The following DENND2C variants were observed in gnomAD, a reference collection of about 807,000 sequenced individuals.
The protein encoded by DENND2C is DENN domain containing 2C, also known as DENN domain-containing protein 2C.
Under a neutral mutation model 112.4 loss-of-function variants are expected in DENND2C, and 72 were observed. The observed-to-expected ratio is 0.64, with a 90% CI of 0.53 to 0.78. The LOEUF (loss-of-function observed/expected upper bound fraction) is 0.78, where lower values mean the gene tolerates loss of function less well. Ranked by LOEUF, DENND2C falls within the 30% of genes least tolerant of loss-of-function variation. DENND2C has a pLI of 0.00. For missense variants in DENND2C, 992 were observed against 1,113.8 expected (o/e 0.89, Z 1.56); for synonymous variants, 329 against 381.6 (o/e 0.86, Z 1.61).
chr1:114,624,303 T>C (rs1022018664), intron 4 of DENND2C, among the ~76,000 whole-genome samples: 11 of 152,130 alleles, frequency 7.2e-5, no homozygotes, highest in Non-Finnish European at 2.9e-5. Flanking sequence ...ATTTAATTTT[T>C]ATTTTATGTT....
chr1:114,614,938 C>A (rs891347903), intron 8 of DENND2C, among the ~76,000 whole-genome samples: 1 of 151,680 alleles, frequency 6.6e-6, no homozygotes, highest in Non-Finnish European at 1.5e-5. Context: ...TGCTTAAACC[C>A]AGGAAGCAGA....
At chr1:114,658,374 T>C (rs1383702112) in intron 1 of DENND2C, among the ~76,000 whole-genome samples, 1 of 152,020 alleles carries the variant, frequency 6.6e-6, no homozygotes, top group East Asian at 1.9e-4. Flanking sequence ...GAAAAAATTC[T>C]AAAAAGAAAA....
intron 8 of DENND2C, 68 bp from the exon 9 acceptor site, chr1:114,611,185 T>C: frequency 1.3e-6 from 2 of 1,574,696 alleles, no homozygotes; most frequent in South Asian, 1.1e-5. Flanking sequence ...ATGAGAACAA[T>C]GTAAACCCAC....
At chr1:114,635,020 T>G (rs1362337447) in intron 3 of DENND2C, among the ~76,000 whole-genome samples, 1 of 119,004 alleles carries the variant, frequency 8.4e-6, no homozygotes, top group Non-Finnish European at 1.7e-5. Flanking sequence ...AGAGTGAGAC[T>G]CCGTCTAAAA....
intron 1 of DENND2C, among the ~76,000 whole-genome samples, chr1:114,665,826 T>G (rs1457851369): frequency 6.6e-6 from 1 of 152,176 alleles, no homozygotes; most frequent in African/African-American, 2.4e-5. Context: ...CATTTATTCT[T>G]GGCCCTCTTC....
chr1:114,621,771 C>T (rs1356713589), intron 7 of DENND2C, 124 bp downstream of exon 7: 1 of 1,276,364 alleles, frequency 7.8e-7, no homozygotes, highest in African/African-American at 1.5e-5. Flanking sequence ...ACGCTGCCTT[C>T]TAAGTCTTCT....
At chr1:114,623,244 A>C (rs1656215909) in intron 5 of DENND2C, 145 bp from the exon 6 acceptor site, 2 of 752,096 alleles carry the variant, frequency 2.7e-6, no homozygotes, top group Admixed American at 6.2e-5. Flanking sequence ...GATCAACAGC[A>C]ATTTAAGCTT....
intron 20 of DENND2C, 110 bp from the exon 21 acceptor site, chr1:114,585,741 C>A: frequency 9.0e-7 from 1 of 1,108,530 alleles, no homozygotes; most frequent in Non-Finnish European, 1.3e-6. Flanking sequence ...AAGAGTTAAG[C>A]TGACATCTCA....
intron 1 of DENND2C, among the ~76,000 whole-genome samples, chr1:114,669,428 C>T (rs1283357962): frequency 6.6e-6 from 1 of 152,160 alleles, no homozygotes; most frequent in Non-Finnish European, 1.5e-5. Flanking sequence ...CTATACAGCT[C>T]TAGTTACTCA....
chr1:114,644,021 A>C lies in DENND2C; in HGVS notation c.-205+1427T>G, dbSNP rs563864834. Among the ~76,000 whole-genome samples the C allele has an allele frequency of 6.6e-5, 10 of 152,236 alleles. No homozygotes were observed. In the East Asian group the frequency reaches 1.7e-3, roughly 26 times the overall value. ...TGTAACGGGTACTACTGGAGGGTTT[A>C]TTTGCCACAGCTACATGACCCTAGG... On this transcript the variant is annotated intron_variant, in intron 3 of 20. Transcript: ENST00000393274.
intron 16 of DENND2C, among the ~76,000 whole-genome samples, chr1:114,598,512 C>T (rs61811018): frequency 1.3e-5 from 2 of 151,516 alleles, no homozygotes; most frequent in Non-Finnish European, 2.9e-5. Flanking sequence ...ATAATGAGTA[C>T]CTTTGGTGGG....
Position 114,623,054 on chromosome 1 carries a change from A to G in DENND2C, c.989T>C (p.Leu330Ser). 6.2e-7 allele frequency: 1 copy of G among 1,612,878 alleles called. No individual in the cohort carries two copies. The highest frequency in any genetic ancestry group is 8.5e-7 in the Non-Finnish European group (1 of 1,179,370). Residue 330 changes from leucine (L) to serine (S), a missense_variant, in exon 6 of 21, where the codon TTA (leucine) becomes TCA (serine). Transcript: ENST00000393274. ...NPYEDIPVQP[L>S]PMWRSPSAWK... ...TGCTGAAGGGGATCTCCACATAGGT[A>G]AAGGCTGCACTGGAATATCTTCATA...
At position 114,602,145 on chromosome 1, in the gene DENND2C, C is replaced by T. The variant is rs1655529679; in HGVS notation, c.1717G>A (p.Gly573Ser). The T allele has an allele frequency of 1.2e-6, 2 of 1,613,850 alleles. No individual in the cohort carries two copies. The highest frequency in any genetic ancestry group is 2.7e-5 in the African/African-American group (2 of 75,028). ...LTGEDGSRWF[G>S]YCKKLLPVGK... is the part of the protein sequence containing the mutation. The stretch of plus-strand genomic sequence containing the variant: ...CTTACCAAGAGCTTCTTACAGTAAC[C>T]AAACCACCGGCTTCCATCTTCACCA... Residue 573 changes from glycine to serine, a missense_variant, in exon 12 of 21, where the codon GGT becomes AGT. By Grantham distance (56) the Gly-to-Ser change is moderately conservative. Transcript: ENST00000393274.
chr1:114,619,495 C>G (rs933740759), intron 7 of DENND2C, among the ~76,000 whole-genome samples: 2 of 152,090 alleles, frequency 1.3e-5, no homozygotes, highest in African/African-American at 4.8e-5. Flanking sequence ...ATGAATCAGT[C>G]CAGTGCAAAC....
intron 8 of DENND2C, among the ~76,000 whole-genome samples, chr1:114,613,851 T>G (rs985605400): frequency 6.6e-6 from 1 of 152,208 alleles, no homozygotes; most frequent in African/African-American, 2.4e-5. Context: ...TGTCCTCTTT[T>G]AATATGAGAC....
chr1:114,657,030 C>A (rs544701153), intron 1 of DENND2C, among the ~76,000 whole-genome samples: 2 of 147,980 alleles, frequency 1.4e-5, no homozygotes, highest in African/African-American at 4.9e-5. Context: ...GGATTACAGG[C>A]CTGAGCCACC....
intron 16 of DENND2C, 25 bp from the exon 17 acceptor site, chr1:114,595,898 G>GT: frequency 6.2e-7 from 1 of 1,611,656 alleles, no homozygotes; most frequent in Non-Finnish European, 8.5e-7. Context: ...AGCCAGGCAA[G>GT]TTCAACCAGA....
At position 114,600,265 on chromosome 1, in the gene DENND2C, T is replaced by C. The variant is rs771930638; in HGVS notation, c.2044A>G (p.Ile682Val). 1.7e-5 allele frequency: 28 copies of C among 1,613,982 alleles called. No homozygotes were observed. The South Asian group carries it at 2.5e-4, about 15-fold the overall frequency. The change falls in exon 15 of 21, where the codon ATC becomes GTC. Residue 682 changes from isoleucine to valine, a missense_variant. Transcript: ENST00000393274. ...AAAAGGAGAGAGGCACAGACCCGGA[T>C]GAGATGACACACACTCAGGCACTTA... ...LFKCLSVCHL[I>V]RVCASLLLER...
chr1:114,666,282 T>C (rs950153884), intron 1 of DENND2C, among the ~76,000 whole-genome samples: 1 of 152,136 alleles, frequency 6.6e-6, no homozygotes, highest in African/African-American at 2.4e-5. Flanking sequence ...CTACCTTTTG[T>C]CTCTCTTCAT....
Sources: gnomAD v4.1 joint callset for allele counts (sites outside exome capture counted in the v4.1 genomes callset) on GRCh38, gnomAD v4.1.1 for gene constraint, MANE v1.5 for transcripts, NCBI Gene and HGNC (gene_info 2026-07-23, HGNC 2026-07-21) for gene names.